Variants in MMAB observed in about 807,000 individuals in gnomAD.
MMAB encodes the protein metabolism of cobalamin associated B.
MMAB carries 17 observed loss-of-function variants against 30.6 expected under a neutral mutation model. That is an observed-to-expected ratio of 0.56 (90% CI 0.38 to 0.83). The LOEUF (loss-of-function observed/expected upper bound fraction) is 0.83, where lower values mean the gene tolerates loss of function less well. Ranked by LOEUF, MMAB falls within the 40% of genes least tolerant of loss-of-function variation. The pLI, the probability that MMAB is intolerant of heterozygous loss-of-function variation, is 0.00. For synonymous variants in MMAB, 134 were observed against 138.6 expected (o/e 0.97, Z 0.23); for missense variants, 311 against 331.6 (o/e 0.94, Z 0.48).
rs72650196 is a variant in MMAB, at chr12:109,568,583, A to C, written c.290+187T>G. 2.5e-4 allele frequency: 169 copies of C among 666,256 alleles called. 1 individual carries two copies. Among genetic ancestry groups the C allele is most frequent in the Non-Finnish European group, 3.9e-4 (142 of 365,450 alleles). The allele number at this position is 666,256 out of a possible 1,614,324, so 41.3% of individuals were successfully genotyped here. A position where few individuals can be genotyped will look rare whatever the true frequency, so the allele number is the denominator to read the frequency against. On this transcript the variant is annotated intron_variant, in intron 3 of 8. Transcript: ENST00000545712. ...CAGCGCAGGCACAGGCAGGGCCAGAAGGGAAAGGAGTCTGCAGCCCCACAG... is the reference window on the plus strand; with the variant it reads ...CAGCGCAGGCACAGGCAGGGCCAGACGGGAAAGGAGTCTGCAGCCCCACAG...
At chr12:109,557,354 G>A (rs531836084) in intron 8 of MMAB, among the ~76,000 whole-genome samples, 1 of 152,350 alleles carries the variant, frequency 6.6e-6, no homozygotes, top group Admixed American at 6.5e-5. Flanking sequence ...TGTCAAGGCT[G>A]GGGCCATTCC....
chr12:109,570,840 C>T (rs1438123026), intron 2 of MMAB, among the ~76,000 whole-genome samples: 2 of 148,342 alleles, frequency 1.3e-5, no homozygotes, highest in South Asian at 4.2e-4. Flanking sequence ...AGCCACTGCA[C>T]TCCAGCCTGG....
intron 3 of MMAB, 103 bp from the exon 4 acceptor site, chr12:109,565,279 T>A (rs1884378125): frequency 6.0e-6 from 5 of 834,036 alleles, no homozygotes; most frequent in Non-Finnish European, 1.0e-5. Flanking sequence ...TTAGTTAATT[T>A]AGCTATAATA....
chr12:109,557,105 A>G lies in MMAB; in HGVS notation c.676T>C (p.Tyr226His), dbSNP rs1447749873. 3 of 1,613,652 alleles carry G rather than the reference A, an allele frequency of 1.9e-6. No homozygotes were observed. The highest frequency in any genetic ancestry group is 2.5e-6 in the Non-Finnish European group (3 of 1,179,668). ...LSDYLFTLAR[Y>H]AAMKEGNQEK... is the part of the protein sequence containing the mutation. The stretch of plus-strand genomic sequence containing the variant: ...TGATTCCCCTCCTTCATGGCTGCAT[A>G]TCTGGCTAGCGTGAAGAGATAGTCA... Residue 226 changes from tyrosine to histidine, a missense_variant, in exon 9 of 9, where the codon TAT becomes CAT. By Grantham distance (83) the Tyr-to-His change is moderately conservative. Coordinates refer to ENST00000545712, the MANE Select transcript of MMAB (RefSeq NM_052845.4).
rs1884205260 is a variant in MMAB, at chr12:109,561,517, T to C, written c.422A>G (p.Lys141Arg). 1 of 1,548,190 alleles carries C rather than the reference T, an allele frequency of 6.5e-7. No individual in the cohort carries two copies. The highest frequency in any genetic ancestry group is 2.4e-5 in the East Asian group (1 of 40,904). The change falls in exon 6 of 9, where the codon AAG (lysine) becomes AGG (arginine). Residue 141 changes from lysine to arginine, a missense_variant and splice_region_variant. Lys to Arg is a conservative substitution (Grantham distance 26). Coordinates refer to ENST00000545712, the MANE Select transcript of MMAB (RefSeq NM_052845.4). The surrounding 1 kb of genome is among the most constrained non-coding windows in gnomAD (Gnocchi z 5.3). ...GGGCCCCGCCTTGAACGTGGTATACTCTGAGGAGCCAAGGAGCAGAGGGAA... is the reference window on the plus strand; with the variant it reads ...GGGCCCCGCCTTGAACGTGGTATACCCTGAGGAGCCAAGGAGCAGAGGGAA... ...PCSSAREAHL[K>R]YTTFKAGPIL... is the part of the protein sequence containing the mutation.
intron 3 of MMAB, among the ~76,000 whole-genome samples, chr12:109,566,550 T>A (rs1314709263): frequency 1.3e-5 from 2 of 152,226 alleles, no homozygotes; most frequent in Non-Finnish European, 2.9e-5. Context: ...GGATGCCCCG[T>A]GACCAGGCCA....
chr12:109,559,278 G>A (rs947768455), intron 7 of MMAB, 123 bp from the exon 8 acceptor site: 8 of 759,776 alleles, frequency 1.1e-5, no homozygotes, highest in Middle Eastern at 2.4e-4. Context: ...GCACAGGCTC[G>A]GCCGGCAGTG....
intron 3 of MMAB, chr12:109,567,171 GGA>G: frequency 2.9e-6 from 1 of 346,632 alleles, no homozygotes; most frequent in African/African-American, 2.2e-5. Flanking sequence ...ACTCCGTCTC[GGA>G]AAAAAAAAAA....
rs750028015 is a variant in MMAB, at chr12:109,556,464, C to CA, written c.*563dup. Reference sequence around the variant, plus strand: ...TGTCAATCTGCAGCTATCCTTCCCCCACACTTTGGCGGTGATGGGTGGCTC... The same window carrying CA: ...TGTCAATCTGCAGCTATCCTTCCCCCAACACTTTGGCGGTGATGGGTGGCTC... On this transcript the variant is annotated 3_prime_UTR_variant, in exon 9 of 9. Coordinates refer to ENST00000545712, the MANE Select transcript of MMAB (RefSeq NM_052845.4). The CA allele has an allele frequency of 7.3e-5, 33 of 454,092 alleles. No homozygotes were observed. The highest frequency in any genetic ancestry group is 5.0e-4 in the South Asian group (32 of 64,480). The allele number at this position is 454,092 out of a possible 1,614,324, so 28.1% of individuals were successfully genotyped here.
At chr12:109,565,272 G>T in intron 3 of MMAB, 96 bp from the exon 4 acceptor site, 2 of 932,254 alleles carry the variant, frequency 2.1e-6, no homozygotes, top group East Asian at 2.4e-5. Context: ...AGGCCATTTA[G>T]TTAATTTAGC....
intron 2 of MMAB, 23 bp downstream of exon 2, chr12:109,571,626 T>C: frequency 6.2e-7 from 1 of 1,609,570 alleles, no homozygotes; most frequent in Non-Finnish European, 8.5e-7. Context: ...TTTCTTTGCA[T>C]TTTTCACCTG....
Position 109,571,661 on chromosome 12 carries a change from T to C in MMAB, c.184A>G (p.Thr62Ala), listed in dbSNP as rs759809454. ...TPRIPKIYTKTGDKGFSSTFT... is the reference protein window; with the variant it reads ...TPRIPKIYTKAGDKGFSSTFT... Reference sequence around the variant, plus strand: ...GTCCCCACCCTACCTTTGTCTCCCGTTTTGGTGTAAATCTTGGGGATCCTG... The same window carrying C: ...GTCCCCACCCTACCTTTGTCTCCCGCTTTGGTGTAAATCTTGGGGATCCTG... Residue 62 changes from threonine to alanine, a missense_variant, in exon 2 of 9, where the codon ACG becomes GCG. Thr to Ala is a moderately conservative substitution (Grantham distance 58, BLOSUM62 0). Transcript: ENST00000545712. The C allele has an allele frequency of 8.7e-6, 14 of 1,613,876 alleles. No individual in the cohort carries two copies. The Admixed American group carries it at 2.3e-4, about 27-fold the overall frequency.
chr12:109,567,863 C>T (rs1884491134), intron 3 of MMAB: 1 of 152,148 alleles, frequency 6.6e-6, no homozygotes, highest in Admixed American at 6.5e-5. Flanking sequence ...GTCTCAAACT[C>T]CTGAGCTCAA....
Position 109,554,554 on chromosome 12 carries a change from G to A in MMAB, c.*2474C>T, listed in dbSNP as rs1017276974. On this transcript the variant is annotated 3_prime_UTR_variant, in exon 9 of 9. Coordinates refer to ENST00000545712, the MANE Select transcript of MMAB (RefSeq NM_052845.4). ...TTTAAATAAAAACAGGCTGCTGTTTGTTTCAAAACCCCGTGTTCCCGTGCA... is the reference window on the plus strand; with the variant it reads ...TTTAAATAAAAACAGGCTGCTGTTTATTTCAAAACCCCGTGTTCCCGTGCA... 4.4e-6 allele frequency: 2 copies of A among 454,010 alleles called. No individual in the cohort carries two copies. The highest frequency in any genetic ancestry group is 4.7e-5 in the Admixed American group (2 of 42,554). The allele number at this position is 454,010 out of a possible 1,614,324, so 28.1% of individuals were successfully genotyped here. A position where few individuals can be genotyped will look rare whatever the true frequency, so the allele number is the denominator to read the frequency against.
chr12:109,565,281 G>A (rs1356030973), intron 3 of MMAB, 105 bp from the exon 4 acceptor site: 8 of 834,474 alleles, frequency 9.6e-6, no homozygotes, highest in Non-Finnish European at 1.5e-5. Flanking sequence ...AGTTAATTTA[G>A]CTATAATAGC....
At chr12:109,566,966 T>C in intron 3 of MMAB, 1 of 456,014 alleles carries the variant, frequency 2.2e-6, no homozygotes, top group South Asian at 1.5e-5. Flanking sequence ...TCTACCCGGC[T>C]GGCTGACTAT....
intron 1 of MMAB, 161 bp downstream of exon 1, chr12:109,573,186 C>T: frequency 1.1e-6 from 1 of 884,500 alleles, no homozygotes; most frequent in Non-Finnish European, 1.8e-6. Flanking sequence ...TACCTGGTCT[C>T]TGGCGCCCAC....
chr12:109,571,416 T>C (rs902418402), intron 2 of MMAB, among the ~76,000 whole-genome samples: 2 of 152,120 alleles, frequency 1.3e-5, no homozygotes, highest in Non-Finnish European at 2.9e-5. Flanking sequence ...CATACTCAGC[T>C]AATTTTTGTA....
rs1386052361 is a variant in MMAB at position 109,558,526 on chromosome 12, G to A, written c.644+570C>T. On this transcript the variant is annotated intron_variant, in intron 8 of 8. Coordinates refer to ENST00000545712, the MANE Select transcript of MMAB (RefSeq NM_052845.4). This position sits in a 1 kb window ranked among gnomAD's most constrained non-coding sequence, Gnocchi z 4.3. ...CACTGATGCCACAGAAGCCAGGGCT[G>A]GGGCAGGAACCCGCAGAGCAGGCTT... is the stretch of plus-strand genomic sequence containing the variant. Among the ~76,000 whole-genome samples, 1 of 152,130 alleles carries A rather than the reference G, an allele frequency of 6.6e-6. No homozygotes were observed. The highest frequency in any genetic ancestry group is 2.4e-5 in the African/African-American group (1 of 41,434).
Sources: gnomAD v4.1 joint callset for allele counts (sites outside exome capture counted in the v4.1 genomes callset) on GRCh38, gnomAD v4.1.1 for gene constraint, Gnocchi (gnomAD v3.1) non-coding constraint, MANE v1.5 for transcripts, NCBI Gene and HGNC (gene_info 2026-07-23, HGNC 2026-07-21) for gene names.